MET: variants seen among roughly 807,000 people sequenced by gnomAD.
The protein encoded by MET is MET proto-oncogene, receptor tyrosine kinase.
Under a neutral mutation model 133.1 loss-of-function variants are expected in MET, and 48 were observed. The ratio of observed to expected loss-of-function variants is 0.36; its 90% CI spans 0.29 to 0.46. The LOEUF (loss-of-function observed/expected upper bound fraction) is 0.46. MET is among the 20% of genes least tolerant of loss of function. The probability of loss-of-function intolerance (pLI) is 1.00; values close to 1 mark genes in which losing one functional copy is unlikely to be tolerated. For synonymous variants in MET, 628 were observed against 616.5 expected (o/e 1.02, Z -0.28); for missense variants, 1,442 against 1,695.9 (o/e 0.85, Z 2.63).
rs546494643 is a variant in MET at position 116,713,687 on chromosome 7, G to A, written c.1200+13403G>A. Among the ~76,000 whole-genome samples the A allele has an allele frequency of 7.2e-5, 11 of 152,274 alleles. No individual in the cohort carries two copies. In the East Asian group the frequency reaches 1.2e-3, roughly 16 times the overall value. The stretch of plus-strand genomic sequence containing the variant: ...AGATAAGTAAAGAGTCTCACTCCAC[G>A]GTGGCAAGATGGAAAGGAGGGATAA... On this transcript the variant is annotated intron_variant, in intron 2 of 20. Transcript: ENST00000397752.
At chr7:116,673,541 T>C (rs1796047070) in intron 1 of MET, among the ~76,000 whole-genome samples, 1 of 152,270 alleles carries the variant, frequency 6.6e-6, no homozygotes, top group South Asian at 2.1e-4. Context: ...TTAAGAAGAC[T>C]GTTCACATTC....
At chr7:116,718,987 T>G (rs1307859660) in intron 2 of MET, among the ~76,000 whole-genome samples, 125 of 138,290 alleles carry the variant, frequency 9.0e-4, no homozygotes, top group African/African-American at 2.7e-3. Context: ...GCATGATTTA[T>G]AGTCCTTTGG....
rs780230492 is a variant in MET, at chr7:116,757,550, T to C, written c.1965+11T>C. 1.2e-6 allele frequency: 2 copies of C among 1,613,110 alleles called. No homozygotes were observed. The highest frequency in any genetic ancestry group is 1.7e-6 in the Non-Finnish European group (2 of 1,179,192). On this transcript the variant is annotated intron_variant, in intron 7 of 20. Coordinates refer to ENST00000397752, the MANE Select transcript of MET (RefSeq NM_000245.4). Reference sequence around the variant, plus strand: ...ACATTCTCCTATGTGGTAAGGAAGATTCTATCCTATCATGTTTGATTTTTA... The same window carrying C: ...ACATTCTCCTATGTGGTAAGGAAGACTCTATCCTATCATGTTTGATTTTTA...
chr7:116,756,922 T>C (rs963655789), intron 6 of MET, among the ~76,000 whole-genome samples: 3 of 152,192 alleles, frequency 2.0e-5, no homozygotes, highest in African/African-American at 7.2e-5. Context: ...AGTGCTATAG[T>C]ACCATTAATG....
At position 116,796,120 on chromosome 7, in the gene MET, C is replaced by A. The variant is rs2117114264; in HGVS notation, c.4169C>A (p.Ser1390Ter). ...CGACCAGCCTCCTTCTGGGAGACAT[C>A]ATAGTGCTAGTACTATGTCAAAGCA... ...DTRPASFWET[S>*] The change falls in exon 21 of 21, where the codon TCA becomes TAA. Residue 1390 changes from serine (S) to a stop codon, truncating the protein, a stop_gained. Coordinates refer to ENST00000397752, the MANE Select transcript of MET (RefSeq NM_000245.4). LOFTEE classifies it high-confidence loss of function. 6.2e-7 allele frequency: 1 copy of A among 1,613,578 alleles called. No individual in the cohort carries two copies. The highest frequency in any genetic ancestry group is 8.5e-7 in the Non-Finnish European group (1 of 1,179,582).
intron 15 of MET, 99 bp downstream of exon 15, chr7:116,775,210 A>G (rs2117033254): frequency 9.6e-7 from 1 of 1,045,112 alleles, no homozygotes; most frequent in Non-Finnish European, 1.5e-6. Flanking sequence ...GGTGAAAGCA[A>G]CTGACAGAGC....
At chr7:116,711,866 T>C (rs1661046565) in intron 2 of MET, among the ~76,000 whole-genome samples, 1 of 152,192 alleles carries the variant, frequency 6.6e-6, no homozygotes, top group Admixed American at 6.5e-5. Context: ...CGCCCAGTGA[T>C]GTGCTGGTAA....
At chr7:116,676,908 T>G (rs910922607) in intron 1 of MET, among the ~76,000 whole-genome samples, 14 of 152,098 alleles carry the variant, frequency 9.2e-5, no homozygotes, top group African/African-American at 3.4e-4. Context: ...TTAGCTACCA[T>G]GTTAAAGATG....
rs587780740 is a variant in MET at position 116,699,773 on chromosome 7, C to A, written c.689C>A (p.Thr230Lys). 6.2e-7 allele frequency: 1 copy of A among 1,614,094 alleles called. No homozygotes were observed. Residue 230 changes from threonine to lysine, a missense_variant, in exon 2 of 21, where the codon ACG becomes AAG. Physicochemically the swap from Thr to Lys is moderately conservative, Grantham distance 78. Around this residue, in one of 6 missense-constraint regions of MET, gnomAD observed 762 missense variants for 792.4 expected, o/e 0.96. Transcript: ENST00000397752. ...ACGAAAGATGGTTTTATGTTTTTGA[C>A]GGACCAGTCCTACATTGATGTTTTA... ...KETKDGFMFL[T>K]DQSYIDVLPE...
At chr7:116,688,949 A>G (rs547412543) in intron 1 of MET, among the ~76,000 whole-genome samples, 1 of 152,302 alleles carries the variant, frequency 6.6e-6, no homozygotes. Flanking sequence ...CGTTTAGAGC[A>G]CCCCCTGGAA....
chr7:116,704,795 A>T (rs1420975433), intron 2 of MET, among the ~76,000 whole-genome samples: 1 of 152,118 alleles, frequency 6.6e-6, no homozygotes, highest in Non-Finnish European at 1.5e-5. Flanking sequence ...ACTATCCATG[A>T]CCTAAGATAT....
intron 5 of MET, among the ~76,000 whole-genome samples, chr7:116,748,340 C>T (rs566704837): frequency 5.9e-5 from 9 of 152,280 alleles, no homozygotes; most frequent in African/African-American, 1.2e-4. Flanking sequence ...ACTGACTACT[C>T]GGTAAACAAC....
intron 3 of MET, among the ~76,000 whole-genome samples, chr7:116,736,016 G>C (rs1793197924): frequency 6.6e-6 from 1 of 151,970 alleles, no homozygotes; most frequent in South Asian, 2.1e-4. Flanking sequence ...GGCCTCAAGT[G>C]ATCTGCCCGC....
chr7:116,706,928 G>A (rs747891294), intron 2 of MET, among the ~76,000 whole-genome samples: 3 of 146,784 alleles, frequency 2.0e-5, no homozygotes, highest in Non-Finnish European at 3.0e-5. Flanking sequence ...TGTGGTAACC[G>A]AATCTAGGAT....
Position 116,778,812 on chromosome 7 carries a change from C to A in MET, c.3377C>A (p.Thr1126Asn), listed in dbSNP as rs367634278. 2.5e-6 allele frequency: 4 copies of A among 1,613,920 alleles called. No individual in the cohort carries two copies. In the African/African-American group the frequency reaches 5.3e-5, roughly 22 times the overall value. The change falls in exon 17 of 21, where the codon ACC becomes AAC. Residue 1126 changes from threonine to asparagine, a missense_variant. Around this residue, in one of 6 missense-constraint regions of MET, gnomAD observed 514 missense variants for 659.6 expected, o/e 0.78. Transcript: ENST00000397752. ...ATAGGAGAAGTTTCCCAATTTCTGA[C>A]CGAGGGAATCATCATGAAAGATTTT... ...TDIGEVSQFL[T>N]EGIIMKDFSH...
At chr7:116,724,137 T>C in intron 2 of MET, 1 of 174,958 alleles carries the variant, frequency 5.7e-6, no homozygotes. Flanking sequence ...TCAGCGGGAC[T>C]CCGTGGGCGT....
At chr7:116,729,156 T>C (rs1403422565) in intron 2 of MET, among the ~76,000 whole-genome samples, 2 of 152,238 alleles carry the variant, frequency 1.3e-5, no homozygotes, top group Non-Finnish European at 2.9e-5. Context: ...ATCTCAGTTA[T>C]CTGCTACTCC....
rs532182954 is a variant in MET, at chr7:116,707,515, T to C, written c.1200+7231T>C. On this transcript the variant is annotated intron_variant, in intron 2 of 20. Transcript: ENST00000397752. ...TTTGCTGAGTCATCATCTCAAAATATATAGTTATTCATGATTAGTTAAAAT... is the reference window on the plus strand; with the variant it reads ...TTTGCTGAGTCATCATCTCAAAATACATAGTTATTCATGATTAGTTAAAAT... 6.6e-5 allele frequency among the ~76,000 whole-genome samples: 10 copies of C among 152,310 alleles called. No individual in the cohort carries two copies. In the South Asian group the frequency reaches 1.4e-3, roughly 22 times the overall value.
At position 116,775,054 on chromosome 7, in the gene MET, C is replaced by A. The variant is rs1330566980; in HGVS notation, c.3202C>A (p.His1068Asn). ...LNPELVQAVQHVVIGPSSLIV... is the reference protein window; with the variant it reads ...LNPELVQAVQNVVIGPSSLIV... Reference sequence around the variant, plus strand: ...TCCAGAGCTGGTCCAGGCAGTGCAGCATGTAGTGATTGGGCCCAGTAGCCT... The same window carrying A: ...TCCAGAGCTGGTCCAGGCAGTGCAGAATGTAGTGATTGGGCCCAGTAGCCT... Residue 1068 changes from histidine (H) to asparagine (N), a missense_variant, in exon 15 of 21, where the codon CAT (histidine) becomes AAT (asparagine). Transcript: ENST00000397752. 6.2e-7 allele frequency: 1 copy of A among 1,614,170 alleles called. No individual in the cohort carries two copies. Among genetic ancestry groups the A allele is most frequent in the Non-Finnish European group, 8.5e-7 (1 of 1,180,024 alleles).
Sources: allele counts gnomAD v4.1 joint callset (sites outside exome capture counted in the v4.1 genomes callset), GRCh38; gene constraint gnomAD v4.1.1; regional missense constraint gnomAD v4.1.1; transcripts MANE v1.5; gene names NCBI Gene and HGNC (gene_info 2026-07-23, HGNC 2026-07-21).